Variants in KMT2D observed in about 807,000 individuals in gnomAD.
The protein encoded by KMT2D is lysine methyltransferase 2D.
In KMT2D, 55 loss-of-function variants were observed where a neutral mutation model predicts 512.7. The ratio of observed to expected loss-of-function variants is 0.11; its 90% confidence interval spans 0.09 to 0.13. The LOEUF is 0.13. Ranked by LOEUF, KMT2D falls within the 10% of genes least tolerant of loss-of-function variation. The pLI is 1.00. For missense variants in KMT2D, 6,061 were observed against 7,127.9 expected (o/e 0.85, Z 5.39); for synonymous variants, 2,995 against 2,904.0 (o/e 1.03, Z -1.01).
In KMT2D at chr12:49,033,330, G is replaced by T; in HGVS notation, c.11375C>A (p.Pro3792His). The change falls in exon 40 of 55, where the codon CCT (proline) becomes CAT (histidine). Residue 3792 changes from proline to histidine, a missense_variant. Physicochemically the swap from Pro to His is moderately conservative, Grantham distance 77. Around this residue, in one of 16 missense-constraint regions of KMT2D, gnomAD observed 1,600 missense variants for 1,754.9 expected, o/e 0.91. Coordinates refer to ENST00000301067, the MANE Select transcript of KMT2D (RefSeq NM_003482.4). ...HQGLLVQQLS[P>H]QPPQGPQGML... ...GCCCTGGGGCCCCTGGGGTGGTTGA[G>T]GGGACAGCTGCTGGACCAGGAGGCC... 1 of 1,593,822 alleles carries T rather than the reference G, an allele frequency of 6.3e-7. No homozygotes were observed. Among genetic ancestry groups the T allele is most frequent in the East Asian group, 2.3e-5 (1 of 43,906 alleles).
At position 49,053,650 on chromosome 12, in the gene KMT2D, G is replaced by C. The variant is rs1938224440; in HGVS notation, c.674-9C>G. On this transcript the variant is annotated splice_polypyrimidine_tract_variant and intron_variant, in intron 6 of 54. Coordinates refer to ENST00000301067, the MANE Select transcript of KMT2D (RefSeq NM_003482.4). The stretch of plus-strand genomic sequence containing the variant: ...TGCACAGCGAGCCTCCTCTGCAGGG[G>C]GTAGAGACACCACAGGTCAGCTATG... The C allele has an allele frequency of 3.2e-6, 5 of 1,587,264 alleles. No homozygotes were observed. Among genetic ancestry groups the C allele is most frequent in the African/African-American group, 1.3e-5 (1 of 74,314 alleles).
Position 49,046,852 on chromosome 12 carries a change from A to ATT in KMT2D, c.4237-64_4237-63dup. The ATT allele has an allele frequency of 1.4e-6, 2 of 1,442,740 alleles. No homozygotes were observed. The highest frequency in any genetic ancestry group is 1.3e-5 in the South Asian group (1 of 76,190). The allele number at this position is 1,442,740 out of a possible 1,614,324, so 89.4% of individuals were successfully genotyped here. ...TGGAAAAGAGGTAGAACTTCTTTTTATTTTTTTTTGGAGATGGAGTTTTGC... is the reference window on the plus strand; with the variant it reads ...TGGAAAAGAGGTAGAACTTCTTTTTATTTTTTTTTTTGGAGATGGAGTTTTGC... On this transcript the variant is annotated intron_variant, in intron 15 of 54. Transcript: ENST00000301067. This position sits in a 1 kb window ranked among gnomAD's most constrained non-coding sequence, Gnocchi z 4.2.
chr12:49,039,638 A>T lies in KMT2D; in HGVS notation c.8047-21T>A, dbSNP rs1454770718. 16 of 1,604,522 alleles carry T rather than the reference A, an allele frequency of 1.0e-5. No homozygotes were observed. The Admixed American group carries it at 2.5e-4, about 25-fold the overall frequency. On this transcript the variant is annotated intron_variant, in intron 32 of 54. Coordinates refer to ENST00000301067, the MANE Select transcript of KMT2D (RefSeq NM_003482.4). This position sits in a 1 kb window ranked among gnomAD's most constrained non-coding sequence, Gnocchi z 5.0. ...TGGCGCTATGCAAAAAAAAGAGAAG[A>T]GGAATAAGCCCATTCTACTCCAATC...
At position 49,049,092 on chromosome 12, in the gene KMT2D, G is replaced by A. The variant is rs184377216; in HGVS notation, c.4020+13C>T. 4 of 1,516,508 alleles carry A rather than the reference G, an allele frequency of 2.6e-6. No individual in the cohort carries two copies. The South Asian group carries it at 4.6e-5, about 17-fold the overall frequency. 93.9% of individuals were successfully genotyped at this position (1,516,508 alleles called of 1,614,324 possible). A position where few individuals can be genotyped will look rare whatever the true frequency, so the allele number is the denominator to read the frequency against. On this transcript the variant is annotated intron_variant, in intron 13 of 54. Transcript: ENST00000301067. ...TGGTTGGGGGATGGGAGGAATAGGA[G>A]GCATCTCCTTACTACCAGAGTCTCA...
chr12:49,032,940 T>A lies in KMT2D; in HGVS notation c.11765A>T (p.Gln3922Leu). ...LQQQQQQQLQ[Q>L]QQQLQQQQLQ... is the part of the protein sequence containing the mutation. ...CTGTTGCTGCTGAAGTTGCTGTTGC[T>A]GTTGTAGCTGCTGCTGCTGCTGCTG... The change falls in exon 40 of 55, where the codon CAG (glutamine) becomes CTG (leucine). Residue 3922 changes from glutamine (Q) to leucine (L), a missense_variant. By Grantham distance (113) the Gln-to-Leu change is moderately radical. This residue lies in a region of KMT2D where 1,600 missense variants were observed against 1,754.9 expected (regional missense o/e 0.91). Transcript: ENST00000301067. 1 of 1,550,586 alleles carries A rather than the reference T, an allele frequency of 6.4e-7. No homozygotes were observed. Among genetic ancestry groups the A allele is most frequent in the Non-Finnish European group, 8.7e-7 (1 of 1,146,866 alleles).
In KMT2D at chr12:49,041,622, A is replaced by G. The variant is rs144654596; in HGVS notation, c.6234+33T>C. The G allele has an allele frequency of 1.2e-6, 2 of 1,613,390 alleles. No individual in the cohort carries two copies. The highest frequency in any genetic ancestry group is 2.2e-5 in the East Asian group (1 of 44,870). On this transcript the variant is annotated intron_variant, in intron 31 of 54. Transcript: ENST00000301067. The surrounding 1 kb of genome is among the most constrained non-coding windows in gnomAD (Gnocchi z 5.4). ...ACCCTCAAGAGAGGCCACCCACTAG[A>G]GGACTGCTACACCCCAGCCCAGCCC...
rs771164655 is a variant in KMT2D at position 49,041,305 on chromosome 12, C to T, written c.6465G>A (p.Ser2155=). ...GGAGCTTGAGGAAGAGCTCACCAGG[C>T]GAGTCAGGGCCAGGCACCGAGCCCG... ...PPAGSVPGPD[S]PGELFLKLPP... is the part of the protein sequence containing the mutation. The change falls in exon 32 of 55, where the codon TCG becomes TCA. Residue 2155 remains serine, a synonymous_variant. Transcript: ENST00000301067. This position sits in a 1 kb window ranked among gnomAD's most constrained non-coding sequence, Gnocchi z 5.4. The T allele has an allele frequency of 2.6e-5, 39 of 1,528,910 alleles. No homozygotes were observed. The highest frequency in any genetic ancestry group is 1.9e-4 in the Admixed American group (9 of 47,288). 94.7% of individuals were successfully genotyped at this position (1,528,910 alleles called of 1,614,324 possible).
At position 49,046,768 on chromosome 12, in the gene KMT2D, T is replaced by C. The variant is rs2120612561; in HGVS notation, c.4259A>G (p.Lys1420Arg). ...NSKITKVMLL[K>R]GWRCVECIVC... The stretch of plus-strand genomic sequence containing the variant: ...AATACACTCCACACAACGCCAGCCC[T>C]TGAGCAGCATCACCTTGGTGATCTG... The change falls in exon 16 of 55, where the codon AAG becomes AGG. Residue 1420 changes from lysine (K) to arginine (R), a missense_variant. By Grantham distance (26) the Lys-to-Arg change is conservative. This residue lies in a region of KMT2D where 53 missense variants were observed against 148.3 expected (regional missense o/e 0.36). Transcript: ENST00000301067. The surrounding 1 kb of genome is among the most constrained non-coding windows in gnomAD (Gnocchi z 4.2). The C allele has an allele frequency of 6.2e-7, 1 of 1,613,766 alleles. No individual in the cohort carries two copies. The highest frequency in any genetic ancestry group is 8.5e-7 in the Non-Finnish European group (1 of 1,179,736).
Position 49,032,481 on chromosome 12 carries a change from A to T in KMT2D, c.12224T>A (p.Leu4075His). ...VKPSLSGDSQLLLVQPQPQPQ... is the reference protein window; with the variant it reads ...VKPSLSGDSQHLLVQPQPQPQ... ...CTGGGGCTGGGGTTGGACAAGCAGG[A>T]GTTGTGAGTCCCCAGAGAGTGAGGG... Residue 4075 changes from leucine (L) to histidine (H), a missense_variant, in exon 40 of 55, where the codon CTC (leucine) becomes CAC (histidine). By Grantham distance (99) the Leu-to-His change is moderately conservative. Coordinates refer to ENST00000301067, the MANE Select transcript of KMT2D (RefSeq NM_003482.4). 1 of 1,567,882 alleles carries T rather than the reference A, an allele frequency of 6.4e-7. No individual in the cohort carries two copies. Among genetic ancestry groups the T allele is most frequent in the South Asian group, 1.2e-5 (1 of 86,086 alleles).
In KMT2D at chr12:49,044,738, G is replaced by A. The variant is rs754141184; in HGVS notation, c.4963+6C>T. 1 of 1,609,572 alleles carries A rather than the reference G, an allele frequency of 6.2e-7. No individual in the cohort carries two copies. Among genetic ancestry groups the A allele is most frequent in the African/African-American group, 1.3e-5 (1 of 74,922 alleles). ...TCTGCCGCTCCCTAAGATTCCCCAA[G>A]CTAACCTTCACCCTTGAGCAGCTCA... On this transcript the variant is annotated splice_donor_region_variant and intron_variant, in intron 20 of 54. Transcript: ENST00000301067. The surrounding 1 kb of genome is among the most constrained non-coding windows in gnomAD (Gnocchi z 6.4).
rs1461116651 is a variant in KMT2D at position 49,042,934 on chromosome 12, C to T, written c.5645-56G>A. On this transcript the variant is annotated intron_variant, in intron 26 of 54. Coordinates refer to ENST00000301067, the MANE Select transcript of KMT2D (RefSeq NM_003482.4). The surrounding 1 kb of genome is among the most constrained non-coding windows in gnomAD (Gnocchi z 4.4). Reference sequence around the variant, plus strand: ...AGACTGGGAAGTTCAGGTGACACCACAGGTCTACAAATGATCATGGCCAGG... The same window carrying T: ...AGACTGGGAAGTTCAGGTGACACCATAGGTCTACAAATGATCATGGCCAGG... The T allele has an allele frequency of 1.9e-6, 3 of 1,606,310 alleles. No individual in the cohort carries two copies. Among genetic ancestry groups the T allele is most frequent in the Non-Finnish European group, 1.7e-6 (2 of 1,174,932 alleles).
rs2120545127 is a variant in KMT2D at position 49,041,327 on chromosome 12, C to A, written c.6443G>T (p.Gly2148Val). The change falls in exon 32 of 55, where the codon GGC (glycine) becomes GTC (valine). Residue 2148 changes from glycine (G) to valine (V), a missense_variant. Gly to Val is a moderately radical substitution (Grantham distance 109). Around this residue, in one of 16 missense-constraint regions of KMT2D, gnomAD observed 710 missense variants for 647.3 expected, o/e 1.10. Coordinates refer to ENST00000301067, the MANE Select transcript of KMT2D (RefSeq NM_003482.4). This position sits in a 1 kb window ranked among gnomAD's most constrained non-coding sequence, Gnocchi z 5.4. ...SADGFLKPPA[G>V]SVPGPDSPGE... ...AGGCGAGTCAGGGCCAGGCACCGAG[C>A]CCGCCGGCGGCTTCAGGAACCCGTC... is the stretch of plus-strand genomic sequence containing the variant. 6.5e-7 allele frequency: 1 copy of A among 1,539,792 alleles called. No individual in the cohort carries two copies.
rs774789802 is a variant in KMT2D at position 49,031,046 on chromosome 12, A to T, written c.13531-13T>A. ...TTGCTGCTGCATCCTAAGCCAAATA[A>T]GCCCATTGAAGGCTGCTACCCTCCT... On this transcript the variant is annotated splice_polypyrimidine_tract_variant and intron_variant, in intron 40 of 54. Coordinates refer to ENST00000301067, the MANE Select transcript of KMT2D (RefSeq NM_003482.4). The T allele has an allele frequency of 6.2e-7, 1 of 1,613,666 alleles. No individual in the cohort carries two copies. Among genetic ancestry groups the T allele is most frequent in the Non-Finnish European group, 8.5e-7 (1 of 1,179,854 alleles).
rs2120575634 is a variant in KMT2D at position 49,043,928 on chromosome 12, C to G, written c.5259G>C (p.Lys1753Asn). 1 of 1,614,016 alleles carries G rather than the reference C, an allele frequency of 6.2e-7. No homozygotes were observed. Among genetic ancestry groups the G allele is most frequent in the Non-Finnish European group, 8.5e-7 (1 of 1,179,872 alleles). ...QSLAEGDEKK[K>N]QQRRGRKKSK... Reference sequence around the variant, plus strand: ...TCTTCTTGCGCCCTCGCCGCTGTTGCTTCTTCTTCTCATCCCCTTCAGCTA... The same window carrying G: ...TCTTCTTGCGCCCTCGCCGCTGTTGGTTCTTCTTCTCATCCCCTTCAGCTA... Residue 1753 changes from lysine to asparagine, a missense_variant, in exon 23 of 55, where the codon AAG (lysine) becomes AAC (asparagine). Physicochemically the swap from Lys to Asn is moderately conservative, Grantham distance 94. Around this residue, in one of 16 missense-constraint regions of KMT2D, gnomAD observed 640 missense variants for 814.3 expected, o/e 0.79. Transcript: ENST00000301067.
At position 49,040,504 on chromosome 12, in the gene KMT2D, C is replaced by A. The variant is rs2120529966; in HGVS notation, c.7266G>T (p.Gln2422His). The change falls in exon 32 of 55, where the codon CAG (glutamine) becomes CAT (histidine). Residue 2422 changes from glutamine (Q) to histidine (H), a missense_variant. By Grantham distance (24) the Gln-to-His change is conservative. Coordinates refer to ENST00000301067, the MANE Select transcript of KMT2D (RefSeq NM_003482.4). ...ACAGAGGCCGGGGTGTCAGTGGAGA[C>A]TGGGAGCTGGACTGGGACTGAGGAC... ...PASPQSQSSS[Q>H]SPLTPRPLSA... The A allele has an allele frequency of 6.3e-7, 1 of 1,586,466 alleles. No homozygotes were observed. The highest frequency in any genetic ancestry group is 8.6e-7 in the Non-Finnish European group (1 of 1,164,036).
In KMT2D at chr12:49,039,372, G is replaced by A. The variant is rs755201719; in HGVS notation, c.8230-14C>T. 29 of 1,609,516 alleles carry A rather than the reference G, an allele frequency of 1.8e-5. No homozygotes were observed. In the South Asian group the frequency reaches 3.2e-4, roughly 18 times the overall value. On this transcript the variant is annotated splice_polypyrimidine_tract_variant and intron_variant, in intron 33 of 54. Coordinates refer to ENST00000301067, the MANE Select transcript of KMT2D (RefSeq NM_003482.4). The surrounding 1 kb of genome is among the most constrained non-coding windows in gnomAD (Gnocchi z 5.0). Reference sequence around the variant, plus strand: ...GCTGCTCTTGTCCTAGAAGAGACAAGGTAGATGAAGGTGGAGCAACCTTCA... The same window carrying A: ...GCTGCTCTTGTCCTAGAAGAGACAAAGTAGATGAAGGTGGAGCAACCTTCA...
In KMT2D at chr12:49,040,911, C is replaced by A. The variant is rs1943483987; in HGVS notation, c.6859G>T (p.Val2287Leu). The A allele has an allele frequency of 6.2e-7, 1 of 1,613,714 alleles. No homozygotes were observed. Among genetic ancestry groups the A allele is most frequent in the Admixed American group, 1.7e-5 (1 of 59,994 alleles). ...PFGESRKALE[V>L]KKEELGASSP... ...GATGCCCCAAGCTCTTCCTTCTTCACCTCTAGGGCCTTCCGGGACTCCCCA... is the reference window on the plus strand; with the variant it reads ...GATGCCCCAAGCTCTTCCTTCTTCAACTCTAGGGCCTTCCGGGACTCCCCA... Residue 2287 changes from valine (V) to leucine (L), a missense_variant, in exon 32 of 55, where the codon GTG becomes TTG. Transcript: ENST00000301067.
Position 49,044,649 on chromosome 12 carries a change from G to T in KMT2D, c.4963+95C>A. On this transcript the variant is annotated intron_variant, in intron 20 of 54. Transcript: ENST00000301067. The surrounding 1 kb of genome is among the most constrained non-coding windows in gnomAD (Gnocchi z 6.4). ...ACTTAGACGAGACAGCAGTGCTTAA[G>T]GGTAACTGAGTGGCAATGTAGCCCC... The T allele has an allele frequency of 6.5e-7, 1 of 1,546,908 alleles. No homozygotes were observed. The highest frequency in any genetic ancestry group is 1.2e-5 in the South Asian group (1 of 84,992).
At chr12:49,025,223 A>T (rs1338606178) in intron 49 of KMT2D, among the ~76,000 whole-genome samples, 1 of 152,238 alleles carries the variant, frequency 6.6e-6, no homozygotes, top group African/African-American at 2.4e-5. Context: ...GTGAAAGAGC[A>T]GGCATGCTTT....
Sources: allele counts gnomAD v4.1 joint callset (sites outside exome capture counted in the v4.1 genomes callset), GRCh38; gene constraint gnomAD v4.1.1; regional missense constraint gnomAD v4.1.1; non-coding constraint Gnocchi (gnomAD v3.1); transcripts MANE v1.5; gene names NCBI Gene and HGNC (gene_info 2026-07-23, HGNC 2026-07-21).